Variants in PLEC observed in about 807,000 individuals in gnomAD.
PLEC encodes hemidesmosomal protein 1.
PLEC carries 216 observed loss-of-function variants against 392.8 expected under a neutral mutation model. That is an observed-to-expected ratio of 0.55 (90% CI 0.49 to 0.62). The LOEUF (loss-of-function observed/expected upper bound fraction) is 0.62, where lower values mean the gene tolerates loss of function less well. Ranked by LOEUF, PLEC falls within the 20% of genes least tolerant of loss-of-function variation. PLEC has a pLI of 0.00. For synonymous variants in PLEC, 3,621 were observed against 2,980.6 expected (o/e 1.21, Z -7.00); for missense variants, 6,863 against 6,563.4 (o/e 1.05, Z -1.58).
At chr8:143,940,359 C>T (rs1285739488), upstream of PLEC, among the ~76,000 whole-genome samples, 1 of 152,166 alleles carries the variant, frequency 6.6e-6, no homozygotes, top group African/African-American at 2.4e-5. Context: ...GGAGGGGCCT[C>T]GCCAGTGAGT....
chr8:143,926,201 C>T (rs963980732), intron 30 of PLEC, among the ~76,000 whole-genome samples: 15 of 152,220 alleles, frequency 9.9e-5, no homozygotes, highest in African/African-American at 3.4e-4. Context: ...GAGCCACACC[C>T]AGCACACAGC....
rs782182287 is a variant in PLEC at position 143,929,431 on chromosome 8, G to A, written c.3064C>T (p.Arg1022Cys). The change falls in exon 24 of 32, where the codon CGC (arginine) becomes TGC (cysteine). Residue 1022 changes from arginine (R) to cysteine (C), a missense_variant. Physicochemically the swap from Arg to Cys is radical, Grantham distance 180 (BLOSUM62 -3). Coordinates refer to ENST00000345136, the MANE Select transcript of PLEC (RefSeq NM_201384.3). ...GCCCCTGCCTGCTGCTCGGCGATGC[G>A]CTGGGCACACTCCCGTGCCGGCTCT... ...DKEPARECAQRIAEQQKAQAE... is the reference protein window; with the variant it reads ...DKEPARECAQCIAEQQKAQAE... 5.1e-6 allele frequency: 8 copies of A among 1,573,140 alleles called. No individual in the cohort carries two copies. The highest frequency in any genetic ancestry group is 4.6e-5 in the South Asian group (4 of 87,086).
At chr8:143,946,532 AG>A in intron 1 of PLEC, 2 of 511,248 alleles carry the variant, frequency 3.9e-6, no homozygotes, top group Non-Finnish European at 6.5e-6. Flanking sequence ...CCCCTTAGTC[AG>A]TAAGCAGAGA....
At chr8:143,960,197 G>A (rs879958807) in intron 1 of PLEC, among the ~76,000 whole-genome samples, 1 of 151,922 alleles carries the variant, frequency 6.6e-6, no homozygotes, top group African/African-American at 2.4e-5. Flanking sequence ...CAGAAGAATC[G>A]CTTGAACTCG....
Position 143,925,118 on chromosome 8 carries a change from G to A in PLEC, c.4811C>T (p.Ala1604Val), listed in dbSNP as rs1554700789. The change falls in exon 31 of 32, where the codon GCA (alanine) becomes GTA (valine). Residue 1604 changes from alanine (A) to valine (V), a missense_variant. By Grantham distance (64) the Ala-to-Val change is moderately conservative. Coordinates refer to ENST00000345136, the MANE Select transcript of PLEC (RefSeq NM_201384.3). ...RSLQEEHVAV[A>V]QLREEAERRA... ...CCGCTCAGCCTCCTCCCGCAGCTGT[G>A]CCACAGCCACGTGTTCCTCCTGCAG... 1.3e-6 allele frequency: 2 copies of A among 1,556,726 alleles called. No homozygotes were observed. Among genetic ancestry groups the A allele is most frequent in the African/African-American group, 1.4e-5 (1 of 73,674 alleles).
intron 3 of PLEC, 31 bp downstream of exon 3, chr8:143,938,120 C>T (rs1195169063): frequency 8.5e-6 from 13 of 1,538,202 alleles, no homozygotes; most frequent in South Asian, 5.7e-5. Flanking sequence ...GTGGGGCAGG[C>T]GGGGCCCGGA....
Position 143,973,305 on chromosome 8 carries a change from C to T in PLEC, c.70+98G>A. On this transcript the variant is annotated intron_variant, in intron 1 of 31. Transcript: ENST00000356346. The surrounding 1 kb of genome is among the most constrained non-coding windows in gnomAD (Gnocchi z 5.6). ...GGACGAGGCCGGCGGAGTGGCCGCGCTCGGGCCGGCGATCGGGACCGCCAC... is the reference window on the plus strand; with the variant it reads ...GGACGAGGCCGGCGGAGTGGCCGCGTTCGGGCCGGCGATCGGGACCGCCAC... The T allele has an allele frequency of 3.4e-6, 5 of 1,461,564 alleles. No individual in the cohort carries two copies. Among genetic ancestry groups the T allele is most frequent in the South Asian group, 2.5e-5 (2 of 81,442 alleles). 90.5% of individuals were successfully genotyped at this position (1,461,564 alleles called of 1,614,324 possible).
In PLEC at chr8:143,930,233, C is replaced by G; in HGVS notation, c.2523G>C (p.Val841=). 6.3e-7 allele frequency: 1 copy of G among 1,594,768 alleles called. No homozygotes were observed. ...CGGCCTCGCTGCCGGAGCTGCTGAG[C>G]ACCTTCCAGTGGGACGGCTGTGCAG... The part of the protein sequence containing the change: ...VGPAQPSHWK[V]LSSSGSEAAV... Residue 841 remains valine (V), a synonymous_variant, in exon 21 of 32, where the codon GTG becomes GTC. Transcript: ENST00000345136.
rs782111379 is a variant in PLEC, at chr8:143,921,181, G to A, written c.8640C>T (p.Cys2880=). The A allele has an allele frequency of 5.0e-6, 8 of 1,613,778 alleles. No individual in the cohort carries two copies. Among genetic ancestry groups the A allele is most frequent in the South Asian group, 3.3e-5 (3 of 91,080 alleles). Residue 2880 remains cysteine, a synonymous_variant, in exon 32 of 32, where the codon TGC becomes TGT. Transcript: ENST00000345136. ...CAGCCTTATCCGTGAGTGGCAGAAG[G>A]CACAGGCCCGTCTCGGGGTCCTCCA... ...RCVEDPETGL[C]LLPLTDKAAK...
In PLEC at chr8:143,935,944, T is replaced by C. The variant is rs1554722918; in HGVS notation, c.506A>G (p.Gln169Arg). The stretch of plus-strand genomic sequence containing the variant: ...GCCCTGGTACCCCTCCACCATTCGC[T>C]GCGACCACAGCAGCAGCTTCTCCTT... ...TAKEKLLLWSQRMVEGYQGLR... is the reference protein window; with the variant it reads ...TAKEKLLLWSRRMVEGYQGLR... Residue 169 changes from glutamine to arginine, a missense_variant, in exon 6 of 32, where the codon CAG (glutamine) becomes CGG (arginine). Gln to Arg is a conservative substitution (Grantham distance 43). Coordinates refer to ENST00000345136, the MANE Select transcript of PLEC (RefSeq NM_201384.3). 6 of 1,612,778 alleles carry C rather than the reference T, an allele frequency of 3.7e-6. No homozygotes were observed. The highest frequency in any genetic ancestry group is 1.3e-5 in the African/African-American group (1 of 74,914).
Position 143,921,435 on chromosome 8 carries a change from G to A in PLEC, c.8386C>T (p.Leu2796Phe), listed in dbSNP as rs1554685733. Residue 2796 changes from leucine to phenylalanine, a missense_variant, in exon 32 of 32, where the codon CTC becomes TTC. Transcript: ENST00000345136. ...ISLFQAMQKG[L>F]IVREHGIRLL... Reference sequence around the variant, plus strand: ...CGGATGCCGTGCTCCCGGACGATGAGGCCCTTCTGCATGGCTTGGAAGAGA... The same window carrying A: ...CGGATGCCGTGCTCCCGGACGATGAAGCCCTTCTGCATGGCTTGGAAGAGA... 13 of 1,613,358 alleles carry A rather than the reference G, an allele frequency of 8.1e-6. No homozygotes were observed. In the South Asian group the frequency reaches 9.9e-5, roughly 12 times the overall value.
exon 1 of PLEC, chr8:143,950,190 C>G (rs1831982135): frequency 6.6e-7 from 1 of 1,520,332 alleles, no homozygotes; most frequent in African/African-American, 1.4e-5. Flanking sequence ...TGACCTGTGG[C>G]TGGGGCAGGC....
At position 143,935,045 on chromosome 8, in the gene PLEC, C is replaced by G; in HGVS notation, c.791G>C (p.Arg264Pro). 6.2e-7 allele frequency: 1 copy of G among 1,612,772 alleles called. No individual in the cohort carries two copies. Among genetic ancestry groups the G allele is most frequent in the Non-Finnish European group, 8.5e-7 (1 of 1,179,898 alleles). ...CACCCCATCCTGCACGTCCGGCACG[C>G]GGGGCATGGCGTCATACAGCGACGA... Reference protein sequence around the residue: ...YVSSLYDAMPRVPDVQDGVRA... With the variant: ...YVSSLYDAMPPVPDVQDGVRA... The change falls in exon 8 of 32, where the codon CGC becomes CCC. Residue 264 changes from arginine to proline, a missense_variant. Physicochemically the swap from Arg to Pro is moderately radical, Grantham distance 103. Coordinates refer to ENST00000345136, the MANE Select transcript of PLEC (RefSeq NM_201384.3).
In PLEC at chr8:143,929,400, G is replaced by A. The variant is rs1554710803; in HGVS notation, c.3081+14C>T. On this transcript the variant is annotated intron_variant, in intron 24 of 31. Coordinates refer to ENST00000345136, the MANE Select transcript of PLEC (RefSeq NM_201384.3). Reference sequence around the variant, plus strand: ...GGAGAGGGATGGGACTGGATGGGGGGGGACGGCCCCTGCCTGCTGCTCGGC... The same window carrying A: ...GGAGAGGGATGGGACTGGATGGGGGAGGACGGCCCCTGCCTGCTGCTCGGC... 8 of 1,561,354 alleles carry A rather than the reference G, an allele frequency of 5.1e-6. No homozygotes were observed. The highest frequency in any genetic ancestry group is 6.1e-6 in the Non-Finnish European group (7 of 1,156,182).
At position 143,917,975 on chromosome 8, in the gene PLEC, A is replaced by G. The variant is rs782423006; in HGVS notation, c.11846T>C (p.Val3949Ala). ...FVDATKERLS[V>A]YQAMKKGIIR... ...GATGCCCTTCTTCATGGCCTGGTAC[A>G]CCGAGAGCCGTTCCTTGGTGGCGTC... is the stretch of plus-strand genomic sequence containing the variant. The change falls in exon 32 of 32, where the codon GTG becomes GCG. Residue 3949 changes from valine to alanine, a missense_variant. Val to Ala is a moderately conservative substitution (Grantham distance 64). Coordinates refer to ENST00000345136, the MANE Select transcript of PLEC (RefSeq NM_201384.3). 3.1e-6 allele frequency: 5 copies of G among 1,612,634 alleles called. No homozygotes were observed. The highest frequency in any genetic ancestry group is 3.4e-6 in the Non-Finnish European group (4 of 1,179,984).
intron 1 of PLEC, among the ~76,000 whole-genome samples, chr8:143,961,970 C>T (rs1257750372): frequency 6.6e-6 from 1 of 152,106 alleles, no homozygotes; most frequent in Non-Finnish European, 1.5e-5. Context: ...CCTGTAATCA[C>T]GTGCCCAGCC....
rs1457364999 is a variant in PLEC at position 143,916,861 on chromosome 8, G to GC, written c.12959dup (p.Ile4321HisfsTer8). 1 of 1,612,022 alleles carries GC rather than the reference G, an allele frequency of 6.2e-7. No homozygotes were observed. The highest frequency in any genetic ancestry group is 1.3e-5 in the African/African-American group (1 of 74,734). ...GCTCACCGGTGCTGGGGTCGATGAT[G>GC]CCCCCGGTGCAGGCCTGCGCCTCCA... is the stretch of plus-strand genomic sequence containing the variant. On this transcript the variant is annotated frameshift_variant, in exon 32 of 32. Coordinates refer to ENST00000345136, the MANE Select transcript of PLEC (RefSeq NM_201384.3). LOFTEE classifies it high-confidence loss of function.
At chr8:143,950,660 T>C (rs1554735845) in exon 1 of PLEC, 1 of 1,583,056 alleles carries the variant, frequency 6.3e-7, no homozygotes, top group Non-Finnish European at 8.6e-7. Flanking sequence ...GAGCACCTCA[T>C]AGATGGCCCG....
rs782571355 is a variant in PLEC, at chr8:143,919,150, C to T, written c.10671G>A (p.Val3557=). The change falls in exon 32 of 32, where the codon GTG becomes GTA. Residue 3557 remains valine, a synonymous_variant. Transcript: ENST00000345136. Reference sequence around the variant, plus strand: ...CCCTTCTTGTCTCCTCCTCAGTGTACACCTGCGTGGTCTCCACCACCTCAG... The same window carrying T: ...CCCTTCTTGTCTCCTCCTCAGTGTATACCTGCGTGGTCTCCACCACCTCAG... The part of the protein sequence containing the change: ...EKAEVVETTQ[V]YTEEETRRAF... 3.0e-5 allele frequency: 48 copies of T among 1,613,450 alleles called. No individual in the cohort carries two copies. The African/African-American group carries it at 4.0e-4, about 13-fold the overall frequency.
Sources: allele counts gnomAD v4.1 joint callset (sites outside exome capture counted in the v4.1 genomes callset), GRCh38; gene constraint gnomAD v4.1.1; non-coding constraint Gnocchi (gnomAD v3.1); transcripts MANE v1.5; gene names NCBI Gene and HGNC (gene_info 2026-07-23, HGNC 2026-07-21).